The following PHF24 variants were observed in gnomAD, a reference collection of about 807,000 sequenced individuals.
The protein encoded by PHF24 is Galpha inhibitory interacting protein.
Under a neutral mutation model 42.6 loss-of-function variants are expected in PHF24, and 25 were observed. The observed-to-expected ratio is 0.59, with a 90% confidence interval of 0.43 to 0.82. The LOEUF (loss-of-function observed/expected upper bound fraction) is 0.82. Ranked by LOEUF, PHF24 falls within the 40% of genes least tolerant of loss-of-function variation. PHF24 has a pLI of 0.00. For missense variants in PHF24, 470 were observed against 538.1 expected, an observed-to-expected ratio of 0.87 and a Z score of 1.25; for synonymous variants, 185 against 204.8, an observed-to-expected ratio of 0.90 and a Z score of 0.83.
intron 1 of PHF24, among the ~76,000 whole-genome samples, chr9:34,962,370 TC>T (rs1826622165): frequency 1.3e-5 from 2 of 151,948 alleles, no homozygotes; most frequent in Non-Finnish European, 2.9e-5. Flanking sequence ...TTTTTTTTTT[TC>T]CTTATCCACT....
chr9:34,840,060 A>T, the PHF24 span, among the ~76,000 whole-genome samples: 2 of 152,352 alleles, frequency 1.3e-5, no homozygotes, highest in East Asian at 3.9e-4. Flanking sequence ...AGAGGTGCAG[A>T]TGAATGGATT....
the PHF24 span, among the ~76,000 whole-genome samples, chr9:34,878,086 C>T: frequency 1.3e-5 from 2 of 152,208 alleles, no homozygotes; most frequent in South Asian, 2.1e-4. Context: ...ATATTGGCTC[C>T]TCAATTGTAA....
At chr9:34,880,756 T>C in the PHF24 span, among the ~76,000 whole-genome samples, 71 of 152,130 alleles carry the variant, frequency 4.7e-4, 6 homozygotes, top group Non-Finnish European at 2.9e-5. Flanking sequence ...ACAATAATAA[T>C]GGGAGGCTTT....
At chr9:34,953,477 G>A (rs1472565750), upstream of PHF24, among the ~76,000 whole-genome samples, 2 of 152,194 alleles carry the variant, frequency 1.3e-5, no homozygotes. This position sits in a 1 kb window ranked among gnomAD's most constrained non-coding sequence, Gnocchi z 4.1. Flanking sequence ...TAATAACAAA[G>A]AAGCCCAGGG....
the PHF24 span, among the ~76,000 whole-genome samples, chr9:34,741,115 A>G: frequency 6.6e-6 from 1 of 151,908 alleles, no homozygotes; most frequent in Admixed American, 6.6e-5. Flanking sequence ...TGAACTCCTG[A>G]CCTCAGGTGA....
the PHF24 span, among the ~76,000 whole-genome samples, chr9:34,886,340 A>G: frequency 6.6e-6 from 1 of 151,424 alleles, no homozygotes; most frequent in Non-Finnish European, 1.5e-5. Context: ...AGTTGATTAC[A>G]CTTGCTGTCA....
At chr9:34,829,289 T>C in the PHF24 span, among the ~76,000 whole-genome samples, 5 of 152,138 alleles carry the variant, frequency 3.3e-5, no homozygotes, top group Non-Finnish European at 5.9e-5. Flanking sequence ...AAATGGATGA[T>C]GGTGGTGGGT....
the PHF24 span, among the ~76,000 whole-genome samples, chr9:34,925,081 G>T: frequency 1.3e-5 from 2 of 152,084 alleles, no homozygotes; most frequent in African/African-American, 2.4e-5. Flanking sequence ...GTCTATGAAA[G>T]ATTTTATTTC....
chr9:34,904,467 A>G, the PHF24 span, among the ~76,000 whole-genome samples: 2 of 152,240 alleles, frequency 1.3e-5, no homozygotes, highest in Middle Eastern at 3.4e-3. Flanking sequence ...CTTTTTCTGC[A>G]TCTATTGAGA....
At chr9:34,965,991 T>C (rs2132874844) in intron 1 of PHF24, among the ~76,000 whole-genome samples, 2 of 152,298 alleles carry the variant, frequency 1.3e-5, no homozygotes, top group Middle Eastern at 3.4e-3. Flanking sequence ...TCCCTAAAAC[T>C]TGTGATATAA....
In PHF24 at chr9:34,973,172, G is replaced by A. The variant is rs551044772; in HGVS notation, c.564+641G>A. Among the ~76,000 whole-genome samples, 97 of 152,274 alleles carry A rather than the reference G, an allele frequency of 6.4e-4. No homozygotes were observed. The South Asian group carries it at 0.015, about 24-fold the overall frequency. Reference sequence around the variant, plus strand: ...TTGACTGGGGCCTAATTACTCAAAAGTAATTCTGCTTGGAGCAGTTCTTTC... The same window carrying A: ...TTGACTGGGGCCTAATTACTCAAAAATAATTCTGCTTGGAGCAGTTCTTTC... On this transcript the variant is annotated intron_variant, in intron 3 of 7. Coordinates refer to ENST00000242315, the Ensembl canonical transcript of PHF24.
chr9:34,849,744 T>C, the PHF24 span, among the ~76,000 whole-genome samples: 2 of 152,238 alleles, frequency 1.3e-5, no homozygotes, highest in African/African-American at 4.8e-5. Flanking sequence ...TGGTTCCGGT[T>C]GTTCCTTTCC....
chr9:34,819,002 T>G, the PHF24 span, among the ~76,000 whole-genome samples: 1 of 152,186 alleles, frequency 6.6e-6, no homozygotes, highest in Non-Finnish European at 1.5e-5. Flanking sequence ...GCTATTCAGG[T>G]TATCTGTTTC....
At chr9:34,740,903 G>T in the PHF24 span, among the ~76,000 whole-genome samples, 6 of 149,778 alleles carry the variant, frequency 4.0e-5, no homozygotes, top group Non-Finnish European at 4.4e-5. Context: ...TTTTTTTTTG[G>T]TTATGGAGTT....
the PHF24 span, chr9:34,917,749 G>A: frequency 3.5e-6 from 3 of 863,294 alleles, no homozygotes; most frequent in East Asian, 7.2e-5. Context: ...TCAGGATTGT[G>A]GGGACTAATG....
At chr9:34,778,365 T>C in the PHF24 span, among the ~76,000 whole-genome samples, 8 of 152,192 alleles carry the variant, frequency 5.3e-5, no homozygotes, top group African/African-American at 1.9e-4. Flanking sequence ...TCCTGCCTCA[T>C]GATGTCTAAG....
chr9:34,893,490 A>G, the PHF24 span, among the ~76,000 whole-genome samples: 1 of 152,084 alleles, frequency 6.6e-6, no homozygotes, highest in African/African-American at 2.4e-5. Flanking sequence ...AGTCCCAGCT[A>G]CTTGGGAGGC....
At chr9:34,679,586 G>A in the PHF24 span, among the ~76,000 whole-genome samples, 6 of 152,180 alleles carry the variant, frequency 3.9e-5, no homozygotes, top group East Asian at 1.9e-4. Context: ...GTGGTGGCGC[G>A]TGCCTGTAAT....
intron 3 of PHF24, among the ~76,000 whole-genome samples, chr9:34,972,907 T>G (rs554677057): frequency 7.6e-6 from 1 of 131,810 alleles, no homozygotes; most frequent in Non-Finnish European, 1.6e-5. Context: ...AGCGAGACTC[T>G]GTCTCGAAAA....
Sources: gnomAD v4.1 joint callset for allele counts (sites outside exome capture counted in the v4.1 genomes callset) on GRCh38, gnomAD v4.1.1 for gene constraint, Gnocchi (gnomAD v3.1) non-coding constraint, MANE v1.5 for transcripts, NCBI Gene and HGNC (gene_info 2026-07-23, HGNC 2026-07-21) for gene names.